Variants in ZNF79 observed in about 807,000 individuals in gnomAD.
ZNF79 encodes the protein ZNFpT7.
In ZNF79, 13 loss-of-function variants were observed where a neutral mutation model predicts 14.9. The ratio of observed to expected loss-of-function variants is 0.87; its 90% confidence interval spans 0.57 to 1.38. ZNF79 has a LOEUF of 1.38. ZNF79 is among the 40% of genes most tolerant of loss of function. ZNF79 has a pLI of 0.00. For missense variants in ZNF79, 631 were observed against 630.6 expected, an observed-to-expected ratio of 1.00 and a Z score of -0.01; for synonymous variants, 223 against 235.1, an observed-to-expected ratio of 0.95 and a Z score of 0.47.
intron 4 of ZNF79, among the ~76,000 whole-genome samples, chr9:127,438,107 A>G (rs534028079): frequency 3.9e-4 from 59 of 152,220 alleles, no homozygotes; most frequent in African/African-American, 1.4e-3. Flanking sequence ...AGGAGTCAAC[A>G]TAGGAGGCTT....
At chr9:127,426,648 G>A (rs1312632470) in intron 1 of ZNF79, among the ~76,000 whole-genome samples, 2 of 152,136 alleles carry the variant, frequency 1.3e-5, no homozygotes, top group African/African-American at 2.4e-5. Flanking sequence ...TTTGTGTCTC[G>A]CTTAGCACAT....
chr9:127,437,710 G>T (rs867260376), intron 4 of ZNF79, among the ~76,000 whole-genome samples: 1 of 151,218 alleles, frequency 6.6e-6, no homozygotes, highest in African/African-American at 2.4e-5. Context: ...CGCAATCTTC[G>T]GCATTTGTTG....
intron 1 of ZNF79, among the ~76,000 whole-genome samples, chr9:127,428,107 A>G (rs538837564): frequency 4.6e-5 from 7 of 151,966 alleles, no homozygotes; most frequent in Middle Eastern, 3.4e-3. Context: ...CAGTCCCCCA[A>G]GTAGCTAGGG....
chr9:127,424,453 C>G lies in ZNF79; in HGVS notation c.-335C>G, dbSNP rs1833711015. Reference sequence around the variant, plus strand: ...CGGTACTTGGACAGCGGTTCTTGAGCTCTCGCGGTTGCCGGTAGATTGTTG... The same window carrying G: ...CGGTACTTGGACAGCGGTTCTTGAGGTCTCGCGGTTGCCGGTAGATTGTTG... On this transcript the variant is annotated 5_prime_UTR_variant, in exon 1 of 5. Coordinates refer to ENST00000342483, the MANE Select transcript of ZNF79 (RefSeq NM_007135.3). 3.2e-6 allele frequency: 1 copy of G among 316,438 alleles called. No homozygotes were observed. Among genetic ancestry groups the G allele is most frequent in the East Asian group, 6.0e-5 (1 of 16,644 alleles). 19.6% of individuals were successfully genotyped at this position (316,438 alleles called of 1,614,324 possible).
chr9:127,444,285 T>C lies in ZNF79; in HGVS notation c.585T>C (p.Cys195=). Reference sequence around the variant, plus strand: ...CTCACAGAGCAAAACCATATGCATGTAATGAATGTGGCAAAGCCTTCAGTT... The same window carrying C: ...CTCACAGAGCAAAACCATATGCATGCAATGAATGTGGCAAAGCCTTCAGTT... ...LKPHRAKPYA[C]NECGKAFSYC... The change falls in exon 5 of 5, where the codon TGT becomes TGC. Residue 195 remains cysteine, a synonymous_variant. Coordinates refer to ENST00000342483, the MANE Select transcript of ZNF79 (RefSeq NM_007135.3). The C allele has an allele frequency of 1.2e-6, 2 of 1,614,176 alleles. No individual in the cohort carries two copies. The highest frequency in any genetic ancestry group is 1.3e-5 in the African/African-American group (1 of 75,034).
intron 1 of ZNF79, among the ~76,000 whole-genome samples, chr9:127,428,393 A>G (rs1833799402): frequency 6.6e-6 from 1 of 152,208 alleles, no homozygotes; most frequent in Non-Finnish European, 1.5e-5. Flanking sequence ...CAAATGCCTT[A>G]AATTTGCAGA....
intron 4 of ZNF79, among the ~76,000 whole-genome samples, chr9:127,437,815 C>A (rs1318197135): frequency 6.6e-6 from 1 of 151,872 alleles, no homozygotes; most frequent in East Asian, 1.9e-4. Flanking sequence ...ATTAAAATAC[C>A]CCAATCCAGT....
chr9:127,432,326 T>G (rs1371767722), intron 2 of ZNF79, among the ~76,000 whole-genome samples: 2 of 152,056 alleles, frequency 1.3e-5, no homozygotes, highest in African/African-American at 4.8e-5. Flanking sequence ...TTTTTTGTAT[T>G]TTTAGTAGAG....
intron 3 of ZNF79, 70 bp downstream of exon 3, chr9:127,435,286 A>G: frequency 6.7e-7 from 1 of 1,497,354 alleles, no homozygotes; most frequent in Non-Finnish European, 8.9e-7. Flanking sequence ...GCTTTCCAGC[A>G]TGTAGGGGTT....
At chr9:127,425,534 C>A (rs967641974) in intron 1 of ZNF79, among the ~76,000 whole-genome samples, 1 of 152,186 alleles carries the variant, frequency 6.6e-6, no homozygotes, top group Non-Finnish European at 1.5e-5. Context: ...TGCAATTTTA[C>A]ATCCAGAATT....
intron 4 of ZNF79, among the ~76,000 whole-genome samples, chr9:127,439,183 A>G (rs1834004294): frequency 4.2e-5 from 1 of 23,610 alleles, no homozygotes; most frequent in Admixed American, 4.9e-4. Flanking sequence ...GGTGAAATAC[A>G]CACACACACA....
intron 4 of ZNF79, among the ~76,000 whole-genome samples, chr9:127,440,403 A>T (rs1430538979): frequency 6.6e-6 from 1 of 152,140 alleles, no homozygotes. Context: ...TTGAGACCTT[A>T]ATGTGGGAAT....
intron 1 of ZNF79, among the ~76,000 whole-genome samples, chr9:127,426,199 C>T (rs1252698496): frequency 6.6e-6 from 1 of 152,040 alleles, no homozygotes. Context: ...GTCTTGCAAC[C>T]ATCACTATTT....
chr9:127,439,398 A>C (rs1392182364), intron 4 of ZNF79, among the ~76,000 whole-genome samples: 1 of 152,186 alleles, frequency 6.6e-6, no homozygotes, highest in Non-Finnish European at 1.5e-5. Flanking sequence ...ATCTGAAAAA[A>C]ATTGTCAACT....
intron 4 of ZNF79, among the ~76,000 whole-genome samples, chr9:127,442,549 G>A (rs181869682): frequency 6.6e-6 from 1 of 152,252 alleles, no homozygotes; most frequent in East Asian, 1.9e-4. Flanking sequence ...AAGGCCGAGG[G>A]CATTGCTGTA....
At chr9:127,435,238 G>T (rs1272950005) in intron 3 of ZNF79, 22 bp downstream of exon 3, 1 of 1,570,024 alleles carries the variant, frequency 6.4e-7, no homozygotes, top group Admixed American at 2.0e-5. Context: ...GTTTCTTTAA[G>T]ATTTAGAATC....
chr9:127,424,830 TC>T (rs755064673), intron 1 of ZNF79, 27 bp downstream of exon 1: 6 of 1,613,636 alleles, frequency 3.7e-6, no homozygotes. Flanking sequence ...GGAGCGATTG[TC>T]AAGAGATCGG....
At chr9:127,436,683 T>C (rs1344248276) in intron 4 of ZNF79, among the ~76,000 whole-genome samples, 1 of 152,228 alleles carries the variant, frequency 6.6e-6, no homozygotes, top group Non-Finnish European at 1.5e-5. Flanking sequence ...CCAGTCACTT[T>C]TGAATGTTTG....
chr9:127,424,672 A>T lies in ZNF79; in HGVS notation c.-116A>T. 4.6e-6 allele frequency: 7 copies of T among 1,511,398 alleles called. No homozygotes were observed. Among genetic ancestry groups the T allele is most frequent in the South Asian group, 1.2e-5 (1 of 86,048 alleles). 93.6% of individuals were successfully genotyped at this position (1,511,398 alleles called of 1,614,324 possible). ...CCTCTGCGGGGAGAGGCTGGAGAGG[A>T]AGAGTCCGGCCTGGGAGCCGTCAGA... On this transcript the variant is annotated 5_prime_UTR_variant, in exon 1 of 5. Transcript: ENST00000342483.
Sources: allele counts gnomAD v4.1 joint callset (sites outside exome capture counted in the v4.1 genomes callset), GRCh38; gene constraint gnomAD v4.1.1; transcripts MANE v1.5; gene names NCBI Gene and HGNC (gene_info 2026-07-23, HGNC 2026-07-21).